Variants in ZNF106 observed in about 807,000 individuals in gnomAD.
The protein encoded by ZNF106 is zinc finger protein 106, also known as SH3-domain binding protein 3.
In ZNF106, 67 loss-of-function variants were observed where a neutral mutation model predicts 195.1. That is an observed-to-expected ratio of 0.34 (90% CI 0.28 to 0.42). The LOEUF (loss-of-function observed/expected upper bound fraction) is 0.42. ZNF106 is among the 10% of genes least tolerant of loss of function. ZNF106 has a pLI of 1.00. For missense variants in ZNF106, 2,118 were observed against 2,304.5 expected, an observed-to-expected ratio of 0.92 and a Z score of 1.66; for synonymous variants, 784 against 818.6, an observed-to-expected ratio of 0.96 and a Z score of 0.72.
At chr15:42,449,731 G>C (rs756925257) in intron 5 of ZNF106, 40 bp downstream of exon 5, 2 of 1,562,532 alleles carry the variant, frequency 1.3e-6, no homozygotes. Context: ...TACTTTAAAA[G>C]AAAGTGAGGA....
rs144883396 is a variant in ZNF106, at chr15:42,459,539, G to A, written c.117-2381C>T. Among the ~76,000 whole-genome samples the A allele has an allele frequency of 3.9e-3, 588 of 152,214 alleles. 2 individuals are homozygous for A. The highest frequency in any genetic ancestry group is 0.014 in the Middle Eastern group (4 of 294). On this transcript the variant is annotated intron_variant, in intron 3 of 21. Transcript: ENST00000564754. ...CTTTCTCCAGTTTACCAGGGATACCGATACTTTTCTCTCAAGCAATTAAAT... is the reference window on the plus strand; with the variant it reads ...CTTTCTCCAGTTTACCAGGGATACCAATACTTTTCTCTCAAGCAATTAAAT...
intron 2 of ZNF106, among the ~76,000 whole-genome samples, chr15:42,469,999 T>C (rs1365863036): frequency 1.3e-5 from 2 of 152,294 alleles, no homozygotes; most frequent in Admixed American, 6.5e-5. Flanking sequence ...TATTATATTT[T>C]TAAAGGCTGG....
chr15:42,465,203 C>A (rs539945722), intron 3 of ZNF106, among the ~76,000 whole-genome samples: 1 of 152,246 alleles, frequency 6.6e-6, no homozygotes, highest in South Asian at 2.1e-4. Flanking sequence ...ACCTGGCCTA[C>A]ATTTCATTTT....
chr15:42,465,953 A>G (rs2056506123), intron 3 of ZNF106, 100 bp downstream of exon 3: 1 of 957,124 alleles, frequency 1.0e-6, no homozygotes, highest in Non-Finnish European at 1.5e-6. Context: ...ATAAGACAAC[A>G]TTTGCTTTTG....
chr15:42,424,281 C>T (rs889003372), intron 16 of ZNF106: 4 of 508,476 alleles, frequency 7.9e-6, no homozygotes, highest in Non-Finnish European at 1.4e-5. Flanking sequence ...TGTTACCTTT[C>T]CAGAATGATT....
chr15:42,430,053 A>G (rs1300740190), intron 14 of ZNF106, among the ~76,000 whole-genome samples: 4 of 152,072 alleles, frequency 2.6e-5, no homozygotes, highest in Non-Finnish European at 5.9e-5. Flanking sequence ...GTAGTTATAC[A>G]AACAAATATC....
intron 14 of ZNF106, among the ~76,000 whole-genome samples, chr15:42,434,374 G>A (rs2055189872): frequency 6.6e-6 from 1 of 152,212 alleles, no homozygotes; most frequent in South Asian, 2.1e-4. Flanking sequence ...GTGGGGACCA[G>A]TAATATGTGT....
chr15:42,463,389 T>C (rs1482968636), intron 3 of ZNF106, among the ~76,000 whole-genome samples: 1 of 152,118 alleles, frequency 6.6e-6, no homozygotes, highest in Non-Finnish European at 1.5e-5. Context: ...TCATATATAT[T>C]CAAGGTATTA....
At chr15:42,443,685 G>A (rs1347738145) in intron 9 of ZNF106, among the ~76,000 whole-genome samples, 1 of 151,798 alleles carries the variant, frequency 6.6e-6, no homozygotes, top group Non-Finnish European at 1.5e-5. Flanking sequence ...AGCCATGATC[G>A]TGCCACTGCG....
chr15:42,417,405 AAGAC>A (rs756386803), intron 21 of ZNF106, 45 bp from the exon 22 acceptor site: 20 of 1,609,328 alleles, frequency 1.2e-5, no homozygotes, highest in Admixed American at 1.0e-4. Context: ...AGTCGATAGT[AAGAC>A]AGGAGAAAGT....
intron 10 of ZNF106, among the ~76,000 whole-genome samples, chr15:42,440,254 A>G (rs999528233): frequency 2.6e-5 from 4 of 152,220 alleles, no homozygotes; most frequent in African/African-American, 9.6e-5. Context: ...AGAAATGTCA[A>G]TTTCCTTTGA....
chr15:42,467,438 T>C (rs189379183), intron 2 of ZNF106, among the ~76,000 whole-genome samples: 1 of 152,268 alleles, frequency 6.6e-6, no homozygotes, highest in Non-Finnish European at 1.5e-5. Flanking sequence ...TCACCAAATA[T>C]TTATCAAATT....
intron 9 of ZNF106, 110 bp from the exon 10 acceptor site, chr15:42,442,524 AT>A (rs1261095918): frequency 9.4e-6 from 8 of 850,032 alleles, no homozygotes; most frequent in Non-Finnish European, 1.2e-5. Context: ...ATAAATAAGT[AT>A]ATTAGTATAG....
Position 42,491,004 on chromosome 15 carries a change from C to T in ZNF106, c.-57G>A, listed in dbSNP as rs898440913. The T allele has an allele frequency of 6.6e-6, 1 of 152,354 alleles. No homozygotes were observed. The highest frequency in any genetic ancestry group is 6.5e-5 in the Admixed American group (1 of 15,284). The allele number at this position is 152,354 out of a possible 1,614,324, so 9.4% of individuals were successfully genotyped here. A position where few individuals can be genotyped will look rare whatever the true frequency, so the allele number is the denominator to read the frequency against. Reference sequence around the variant, plus strand: ...CATTCACAGCCAACCCCTCTTACTCCATCAGGCCGCCGAGAGCCAGGCGAG... The same window carrying T: ...CATTCACAGCCAACCCCTCTTACTCTATCAGGCCGCCGAGAGCCAGGCGAG... On this transcript the variant is annotated 5_prime_UTR_variant, in exon 1 of 22. The change abolishes an upstream ATG in the 5' untranslated region. Coordinates refer to ENST00000564754, the MANE Select transcript of ZNF106 (RefSeq NM_001366845.3).
At chr15:42,433,425 C>T (rs1595445949) in intron 14 of ZNF106, among the ~76,000 whole-genome samples, 1 of 151,848 alleles carries the variant, frequency 6.6e-6, no homozygotes, top group South Asian at 2.1e-4. Context: ...TTTTAGCTCA[C>T]CATTTTAATT....
chr15:42,427,687 A>C (rs1023888462), intron 15 of ZNF106: 4 of 198,404 alleles, frequency 2.0e-5, no homozygotes, highest in African/African-American at 9.1e-5. Context: ...ATGTGCTGTC[A>C]AAGTGAGCAC....
chr15:42,434,344 C>A lies in ZNF106; in HGVS notation c.4881+1040G>T, dbSNP rs570026080. On this transcript the variant is annotated intron_variant, in intron 14 of 21. Coordinates refer to ENST00000564754, the MANE Select transcript of ZNF106 (RefSeq NM_001366845.3). ...CCTTAAAAAACAAAAAACAAACAAA[C>A]AAAAAAAACACCTCTGGGAGTGGGG... 2.6e-5 allele frequency among the ~76,000 whole-genome samples: 4 copies of A among 151,788 alleles called. No homozygotes were observed. The South Asian group carries it at 8.3e-4, about 32-fold the overall frequency.
intron 20 of ZNF106, among the ~76,000 whole-genome samples, chr15:42,418,452 GCCC>G (rs2054534066): frequency 7.0e-6 from 1 of 143,022 alleles, no homozygotes; most frequent in African/African-American, 2.7e-5. Context: ...TCTGCCCCCT[GCCC>G]CCTGGGTTCA....
chr15:42,482,521 A>ATTT (rs2056920903), intron 1 of ZNF106, among the ~76,000 whole-genome samples: 1 of 102,540 alleles, frequency 9.8e-6, no homozygotes, highest in African/African-American at 4.6e-5. Context: ...TGAAATCTCC[A>ATTT]GTTTTTTTTT....
Sources: gnomAD v4.1 joint callset for allele counts (sites outside exome capture counted in the v4.1 genomes callset) on GRCh38, gnomAD v4.1.1 for gene constraint, MANE v1.5 for transcripts, NCBI Gene and HGNC (gene_info 2026-07-23, HGNC 2026-07-21) for gene names.